The following DPP10 variants were observed in gnomAD, a reference collection of about 807,000 sequenced individuals.
DPP10 encodes dipeptidyl peptidase like 10.
DPP10 carries 33 observed loss-of-function variants against 120.9 expected under a neutral mutation model. The ratio of observed to expected loss-of-function variants is 0.27; its 90% CI spans 0.21 to 0.37. The LOEUF (loss-of-function observed/expected upper bound fraction) is 0.37, where lower values mean the gene tolerates loss of function less well. Among genes scored for constraint, DPP10 ranks in the 10% least tolerant of loss-of-function variants. The probability of loss-of-function intolerance (pLI) is 1.00; values close to 1 mark genes in which losing one functional copy is unlikely to be tolerated. For synonymous variants in DPP10, 337 were observed against 326.1 expected (o/e 1.03, Z -0.36); for missense variants, 816 against 942.8 (o/e 0.87, Z 1.76).
At chr2:114,925,902 C>G (rs1186727877) in intron 1 of DPP10, among the ~76,000 whole-genome samples, 1 of 152,192 alleles carries the variant, frequency 6.6e-6, no homozygotes, top group Non-Finnish European at 1.5e-5. Context: ...TTCAAGCAGA[C>G]AGTCTGACAA....
At chr2:114,660,644 GGA>G (rs1697331648) in intron 1 of DPP10, among the ~76,000 whole-genome samples, 1 of 152,160 alleles carries the variant, frequency 6.6e-6, no homozygotes, top group Non-Finnish European at 1.5e-5. Flanking sequence ...ATTGGTAATA[GGA>G]GAGTTTTTAG....
At chr2:114,505,872 G>A (rs146886278) in intron 1 of DPP10, among the ~76,000 whole-genome samples, 8 of 152,258 alleles carry the variant, frequency 5.3e-5, no homozygotes, top group East Asian at 1.9e-4. Flanking sequence ...TCATTGTGAC[G>A]AGTTCATGCA....
chr2:115,590,127 T>C (rs1000203316), intron 5 of DPP10, among the ~76,000 whole-genome samples: 4 of 146,968 alleles, frequency 2.7e-5, no homozygotes, highest in Admixed American at 2.1e-4. Context: ...TTTTTTTTTT[T>C]TCCCCCATAT....
chr2:114,758,588 G>T (rs907454545), intron 1 of DPP10, among the ~76,000 whole-genome samples: 2 of 152,016 alleles, frequency 1.3e-5, no homozygotes, highest in Non-Finnish European at 2.9e-5. Context: ...GCTTTTAATT[G>T]TCCGTTCTAC....
chr2:115,049,280 T>C lies in DPP10; in HGVS notation c.61-259959T>C, dbSNP rs1179960868. Reference sequence around the variant, plus strand: ...AGGAGTTACATTATTGAGCACTTAATGTATGCTAGATAGTGTGCTATGCCC... The same window carrying C: ...AGGAGTTACATTATTGAGCACTTAACGTATGCTAGATAGTGTGCTATGCCC... On this transcript the variant is annotated intron_variant, in intron 1 of 25. Coordinates refer to ENST00000410059, the MANE Select transcript of DPP10 (RefSeq NM_020868.6). Among the ~76,000 whole-genome samples, 3 of 152,110 alleles carry C rather than the reference T, an allele frequency of 2.0e-5. No individual in the cohort carries two copies. In the East Asian group the frequency reaches 5.8e-4, roughly 29 times the overall value.
intron 1 of DPP10, among the ~76,000 whole-genome samples, chr2:115,232,543 C>G (rs1203973447): frequency 6.6e-6 from 1 of 152,094 alleles, no homozygotes; most frequent in Non-Finnish European, 1.5e-5. Flanking sequence ...TCTGATTTCC[C>G]TTGCTGTGTG....
intron 1 of DPP10, among the ~76,000 whole-genome samples, chr2:115,045,529 CCT>C (rs1227576264): frequency 6.6e-6 from 1 of 151,976 alleles, no homozygotes; most frequent in Non-Finnish European, 1.5e-5. Flanking sequence ...TGAATTCTGC[CCT>C]GTGTTGCTTT....
chr2:114,527,027 T>C (rs1218125458), intron 1 of DPP10, among the ~76,000 whole-genome samples: 2 of 152,216 alleles, frequency 1.3e-5, no homozygotes, highest in South Asian at 2.1e-4. Context: ...CTCTGGGACA[T>C]AGTCCATAAT....
chr2:115,378,181 A>G (rs1050671096), intron 3 of DPP10, among the ~76,000 whole-genome samples: 21 of 152,170 alleles, frequency 1.4e-4, no homozygotes, highest in African/African-American at 4.6e-4. Flanking sequence ...CTTCCTACCC[A>G]TGAGCATGGA....
intron 5 of DPP10, among the ~76,000 whole-genome samples, chr2:115,601,399 C>T (rs1019873804): frequency 5.9e-5 from 9 of 152,076 alleles, no homozygotes; most frequent in African/African-American, 1.9e-4. Flanking sequence ...CACCAGTTAC[C>T]CAAATATAAA....
chr2:114,608,046 C>T (rs1692958721), intron 1 of DPP10, among the ~76,000 whole-genome samples: 1 of 152,172 alleles, frequency 6.6e-6, no homozygotes, highest in South Asian at 2.1e-4. Flanking sequence ...TTCAGCCATC[C>T]CTGCAAATAG....
chr2:115,414,013 A>G (rs2069163244), intron 3 of DPP10, among the ~76,000 whole-genome samples: 1 of 152,156 alleles, frequency 6.6e-6, no homozygotes, highest in Admixed American at 6.5e-5. Flanking sequence ...CAGTGGTTCA[A>G]GGCCTTAAAG....
At chr2:115,040,998 C>T (rs1431377618) in intron 1 of DPP10, among the ~76,000 whole-genome samples, 4 of 151,614 alleles carry the variant, frequency 2.6e-5, no homozygotes, top group Non-Finnish European at 5.9e-5. Flanking sequence ...GGGTGCCTGT[C>T]ATCCCAGCTA....
At chr2:115,156,510 T>C (rs1573816123) in intron 1 of DPP10, among the ~76,000 whole-genome samples, 1 of 152,320 alleles carries the variant, frequency 6.6e-6, no homozygotes, top group Non-Finnish European at 1.5e-5. Context: ...CTTCCAAAAA[T>C]TAGTCAAGAT....
intron 1 of DPP10, among the ~76,000 whole-genome samples, chr2:115,024,324 C>T (rs183135030): frequency 4.0e-5 from 6 of 151,848 alleles, no homozygotes; most frequent in African/African-American, 1.5e-4. Flanking sequence ...AATATTGATA[C>T]GGTTGCTGTT....
chr2:114,903,189 C>T (rs1216292032), intron 1 of DPP10, among the ~76,000 whole-genome samples: 1 of 152,018 alleles, frequency 6.6e-6, no homozygotes, highest in African/African-American at 2.4e-5. Context: ...GTTGATTTAT[C>T]CATTTACCTA....
intron 10 of DPP10, among the ~76,000 whole-genome samples, chr2:115,749,347 T>G (rs1678413124): frequency 6.6e-6 from 1 of 152,132 alleles, no homozygotes; most frequent in Admixed American, 6.5e-5. Flanking sequence ...AAAGTAATGA[T>G]TTGTCCTTGG....
At chr2:114,923,688 G>A (rs1191896483) in intron 1 of DPP10, among the ~76,000 whole-genome samples, 5 of 143,806 alleles carry the variant, frequency 3.5e-5, no homozygotes, top group African/African-American at 1.3e-4. Context: ...CTGTGGTCTC[G>A]ATCTCCTGAC....
intron 1 of DPP10, chr2:114,834,036 C>A (rs950067432): frequency 9.3e-5 from 14 of 151,094 alleles, no homozygotes; most frequent in African/African-American, 3.4e-4. Flanking sequence ...CATATACACA[C>A]ACCTATGTAT....
Sources: allele counts gnomAD v4.1 joint callset (sites outside exome capture counted in the v4.1 genomes callset), GRCh38; gene constraint gnomAD v4.1.1; transcripts MANE v1.5; gene names NCBI Gene and HGNC (gene_info 2026-07-23, HGNC 2026-07-21).